Variants in TSPAN9 observed in about 807,000 individuals in gnomAD.
The protein encoded by TSPAN9 is tetraspanin 9.
A neutral mutation model predicts 31.0 loss-of-function variants in TSPAN9; 16 were observed. That is an observed-to-expected ratio of 0.52 (90% CI 0.35 to 0.78). TSPAN9 has a LOEUF of 0.78. TSPAN9 is among the 30% of genes least tolerant of loss of function. The pLI, the probability that TSPAN9 is intolerant of heterozygous loss-of-function variation, is 0.01. For missense variants in TSPAN9, 272 were observed against 312.5 expected (o/e 0.87, Z 0.98); for synonymous variants, 145 against 121.6 (o/e 1.19, Z -1.27).
At chr12:3,241,921 C>T (rs1356848800) in intron 3 of TSPAN9, among the ~76,000 whole-genome samples, 1 of 152,224 alleles carries the variant, frequency 6.6e-6, no homozygotes, top group Non-Finnish European at 1.5e-5. Flanking sequence ...GCAGCTGCTT[C>T]GGAGTTGGGG....
chr12:3,263,322 T>G (rs1800846336), intron 3 of TSPAN9, among the ~76,000 whole-genome samples: 1 of 152,220 alleles, frequency 6.6e-6, no homozygotes, highest in Non-Finnish European at 1.5e-5. Flanking sequence ...CCTGGCCCGT[T>G]GGCAGCACAT....
At chr12:3,134,470 GGT>G (rs1423929178) in intron 2 of TSPAN9, among the ~76,000 whole-genome samples, 1 of 152,194 alleles carries the variant, frequency 6.6e-6, no homozygotes, top group Non-Finnish European at 1.5e-5. Context: ...GTTAGGGGAT[GGT>G]CAAGGCTGGA....
At chr12:3,195,270 A>T (rs2098366511) in intron 2 of TSPAN9, among the ~76,000 whole-genome samples, 1 of 152,212 alleles carries the variant, frequency 6.6e-6, no homozygotes, top group African/African-American at 2.4e-5. Context: ...TCATGCTGCC[A>T]GCCTGAGGAA....
At chr12:3,145,254 T>G (rs2098336620) in intron 2 of TSPAN9, among the ~76,000 whole-genome samples, 1 of 152,210 alleles carries the variant, frequency 6.6e-6, no homozygotes, top group Non-Finnish European at 1.5e-5. Context: ...CGTGCACAGC[T>G]CTCAGTGCCA....
chr12:3,266,088 G>C (rs1591714379), intron 3 of TSPAN9, among the ~76,000 whole-genome samples: 3 of 152,250 alleles, frequency 2.0e-5, no homozygotes. Flanking sequence ...TCGGCTACAA[G>C]GAGCACTCCA....
At chr12:3,226,195 G>A (rs1241414573) in intron 3 of TSPAN9, among the ~76,000 whole-genome samples, 2 of 152,112 alleles carry the variant, frequency 1.3e-5, no homozygotes, top group Non-Finnish European at 2.9e-5. Flanking sequence ...GTGAGGGGCT[G>A]GTAGAGTTAG....
chr12:3,153,161 C>A (rs4765714), intron 2 of TSPAN9, among the ~76,000 whole-genome samples: 1 of 152,196 alleles, frequency 6.6e-6, no homozygotes, highest in African/African-American at 2.4e-5. Context: ...ACCCCTGTGG[C>A]AGTCCCGGAA....
chr12:3,259,216 C>T (rs1862405265), intron 3 of TSPAN9, among the ~76,000 whole-genome samples: 1 of 152,230 alleles, frequency 6.6e-6, no homozygotes. Flanking sequence ...AGTCCACCGC[C>T]TTCATAGCCC....
chr12:3,127,713 A>G (rs749582107), intron 2 of TSPAN9, among the ~76,000 whole-genome samples: 1 of 152,238 alleles, frequency 6.6e-6, no homozygotes, highest in Non-Finnish European at 1.5e-5. Context: ...AGTATAGTAT[A>G]GCAAATACAT....
intron 1 of TSPAN9, among the ~76,000 whole-genome samples, chr12:3,079,644 T>G (rs1004146349): frequency 1.1e-4 from 16 of 152,064 alleles, no homozygotes; most frequent in African/African-American, 2.2e-4. Flanking sequence ...GTATTTTTAG[T>G]AGAGATGGAG....
At position 3,286,031 on chromosome 12, in the gene TSPAN9, T is replaced by C. The variant is rs780025951; in HGVS notation, c.*2915T>C. 1 of 152,534 alleles carries C rather than the reference T, an allele frequency of 6.6e-6. No homozygotes were observed. The highest frequency in any genetic ancestry group is 1.5e-5 in the Non-Finnish European group (1 of 68,062). The allele number at this position is 152,534 out of a possible 1,614,324, so 9.4% of individuals were successfully genotyped here. A position where few individuals can be genotyped will look rare whatever the true frequency, so the allele number is the denominator to read the frequency against. On this transcript the variant is annotated 3_prime_UTR_variant, in exon 9 of 9. Transcript: ENST00000011898. This position sits in a 1 kb window ranked among gnomAD's most constrained non-coding sequence, Gnocchi z 4.1. ...GCCCTGCCCCGGACCCTCTTGCAGG[T>C]GTCCTGGTTTGACTTGGAACTAGAT...
chr12:3,118,608 A>G (rs561962425), intron 2 of TSPAN9, among the ~76,000 whole-genome samples: 1 of 151,586 alleles, frequency 6.6e-6, no homozygotes, highest in East Asian at 2.0e-4. Flanking sequence ...TACTTATTTT[A>G]TATTTATTGA....
At chr12:3,206,531 C>G (rs959856022) in intron 3 of TSPAN9, 9 of 249,010 alleles carry the variant, frequency 3.6e-5, no homozygotes, top group African/African-American at 2.0e-4. Flanking sequence ...CTCTCCTGCT[C>G]TGAAATGTTT....
intron 2 of TSPAN9, among the ~76,000 whole-genome samples, chr12:3,188,540 C>T (rs192130033): frequency 1.8e-4 from 27 of 152,228 alleles, no homozygotes; most frequent in East Asian, 1.4e-3. Flanking sequence ...GCCGTGGCTT[C>T]GGGCTGGCAT....
chr12:3,081,661 C>G (rs556892160), intron 1 of TSPAN9, among the ~76,000 whole-genome samples: 4 of 152,044 alleles, frequency 2.6e-5, no homozygotes, highest in African/African-American at 7.2e-5. Flanking sequence ...GTGTATGTGT[C>G]ACATGTATAA....
intron 3 of TSPAN9, among the ~76,000 whole-genome samples, chr12:3,256,056 C>G (rs2153978579): frequency 6.6e-6 from 1 of 152,218 alleles, no homozygotes; most frequent in Middle Eastern, 3.4e-3. Context: ...GCACCCAGAT[C>G]TAGGCCGGTC....
At chr12:3,252,920 G>A (rs1862276617) in intron 3 of TSPAN9, among the ~76,000 whole-genome samples, 1 of 152,170 alleles carries the variant, frequency 6.6e-6, no homozygotes, top group Admixed American at 6.5e-5. Flanking sequence ...GGGCAGTCTG[G>A]AAGAAGGTTT....
chr12:3,078,107 C>A (rs2098296023), intron 1 of TSPAN9, among the ~76,000 whole-genome samples: 1 of 152,190 alleles, frequency 6.6e-6, no homozygotes, highest in African/African-American at 2.4e-5. Context: ...CTTGGATCTC[C>A]TCCCTCTTTG....
In TSPAN9 at chr12:3,135,499, T is replaced by C. The variant is rs139378871; in HGVS notation, c.-18+51780T>C. Among the ~76,000 whole-genome samples the C allele has an allele frequency of 1.1e-3, 166 of 152,274 alleles. No homozygotes were observed. The East Asian group carries it at 0.025, about 23-fold the overall frequency. ...GGGTTTTTGACACGTTTTCTCCTTC[T>C]TACACCCTCTGCTTCCTGCTAGGTT... On this transcript the variant is annotated intron_variant, in intron 2 of 8. Transcript: ENST00000011898.
Sources: gnomAD v4.1 joint callset for allele counts (sites outside exome capture counted in the v4.1 genomes callset) on GRCh38, gnomAD v4.1.1 for gene constraint, Gnocchi (gnomAD v3.1) non-coding constraint, MANE v1.5 for transcripts, NCBI Gene and HGNC (gene_info 2026-07-23, HGNC 2026-07-21) for gene names.